ZNF804B: variants seen among roughly 807,000 people sequenced by gnomAD.
ZNF804B encodes zinc finger protein 804B, also known as zinc finger 804B.
In ZNF804B, 80 loss-of-function variants were observed where a neutral mutation model predicts 101.4. That is an observed-to-expected ratio of 0.79 (90% CI 0.66 to 0.95). The LOEUF (loss-of-function observed/expected upper bound fraction) is 0.95, where lower values mean the gene tolerates loss of function less well. Among genes scored for constraint, ZNF804B ranks in the 40% least tolerant of loss-of-function variants. The pLI is 0.00. For missense variants in ZNF804B, 1,673 were observed against 1,561.9 expected (o/e 1.07, Z -1.20); for synonymous variants, 622 against 558.8 (o/e 1.11, Z -1.59).
chr7:89,265,285 T>C (rs375142611), intron 2 of ZNF804B, among the ~76,000 whole-genome samples: 812 of 31,934 alleles, frequency 0.025, 2 homozygotes, highest in South Asian at 0.11. Context: ...TGTGTGTGTG[T>C]GTGTGTGTGC....
intron 1 of ZNF804B, among the ~76,000 whole-genome samples, chr7:89,080,321 C>T (rs1186882417): frequency 1.3e-5 from 2 of 151,460 alleles, no homozygotes; most frequent in East Asian, 1.9e-4. Context: ...ATCATTTGCT[C>T]ATTTGCCTTG....
intron 1 of ZNF804B, among the ~76,000 whole-genome samples, chr7:89,134,743 C>A (rs1451141536): frequency 6.6e-6 from 1 of 152,004 alleles, no homozygotes; most frequent in Non-Finnish European, 1.5e-5. Flanking sequence ...CTTTGTAGAA[C>A]AACTTAACTC....
chr7:89,095,034 T>A (rs1465772096), intron 1 of ZNF804B, among the ~76,000 whole-genome samples: 2 of 152,110 alleles, frequency 1.3e-5, no homozygotes, highest in Non-Finnish European at 2.9e-5. Context: ...TGATACAATG[T>A]TTTTGCTATG....
chr7:88,979,212 A>G (rs1218685183), intron 1 of ZNF804B, among the ~76,000 whole-genome samples: 3 of 151,982 alleles, frequency 2.0e-5, no homozygotes, highest in Non-Finnish European at 4.4e-5. Flanking sequence ...TAATTTATAC[A>G]CCACAAATAC....
intron 1 of ZNF804B, among the ~76,000 whole-genome samples, chr7:89,193,174 AG>A (rs773467232): frequency 1.3e-5 from 2 of 151,974 alleles, no homozygotes; most frequent in Admixed American, 6.6e-5. Flanking sequence ...AAAGAAATAA[AG>A]GGCTTCTAAA....
intron 1 of ZNF804B, among the ~76,000 whole-genome samples, chr7:88,896,029 C>A (rs1303073444): frequency 6.6e-6 from 1 of 152,076 alleles, no homozygotes; most frequent in Non-Finnish European, 1.5e-5. Flanking sequence ...GAGTAATGGA[C>A]TGGGGGAGAG....
At chr7:88,923,770 T>C (rs975846179) in intron 1 of ZNF804B, among the ~76,000 whole-genome samples, 11 of 152,136 alleles carry the variant, frequency 7.2e-5, no homozygotes, top group African/African-American at 2.7e-4. Context: ...AACATAGAAA[T>C]ATGTATAGAC....
At chr7:89,170,075 C>T (rs1309656131) in intron 1 of ZNF804B, among the ~76,000 whole-genome samples, 2 of 152,226 alleles carry the variant, frequency 1.3e-5, no homozygotes, top group Non-Finnish European at 2.9e-5. Flanking sequence ...AGACCCCAGA[C>T]TGTGCAGATC....
chr7:89,208,372 G>A (rs1426775543), intron 1 of ZNF804B, among the ~76,000 whole-genome samples: 4 of 152,246 alleles, frequency 2.6e-5, no homozygotes, highest in East Asian at 3.9e-4. Context: ...ATGAGCCACC[G>A]CGCCTAGCCC....
chr7:88,780,503 C>T (rs1313570338), intron 1 of ZNF804B, among the ~76,000 whole-genome samples: 1 of 150,924 alleles, frequency 6.6e-6, no homozygotes, highest in Non-Finnish European at 1.5e-5. Flanking sequence ...GATCCTCCCA[C>T]CTGAGCCTCC....
At chr7:89,040,002 A>G (rs1442050732) in intron 1 of ZNF804B, among the ~76,000 whole-genome samples, 1 of 151,938 alleles carries the variant, frequency 6.6e-6, no homozygotes, top group Non-Finnish European at 1.5e-5. Context: ...ATCATCATGG[A>G]TCTGGATATT....
chr7:89,072,401 A>G (rs1039518016), intron 1 of ZNF804B, among the ~76,000 whole-genome samples: 8 of 152,138 alleles, frequency 5.3e-5, no homozygotes, highest in African/African-American at 1.7e-4. Context: ...TAACTACTCA[A>G]CAACTGCCTT....
At chr7:88,904,982 A>G (rs1025152557) in intron 1 of ZNF804B, among the ~76,000 whole-genome samples, 1 of 152,172 alleles carries the variant, frequency 6.6e-6, no homozygotes, top group Admixed American at 6.5e-5. Context: ...TTGCAGTCCT[A>G]TGTTGAATAG....
chr7:89,174,940 A>G (rs1049770898), intron 1 of ZNF804B, among the ~76,000 whole-genome samples: 1 of 151,866 alleles, frequency 6.6e-6, no homozygotes, highest in African/African-American at 2.4e-5. Context: ...TTAAATTGAA[A>G]CATTATTTTT....
At chr7:88,964,549 T>C (rs1256877474) in intron 1 of ZNF804B, among the ~76,000 whole-genome samples, 2 of 151,488 alleles carry the variant, frequency 1.3e-5, no homozygotes, top group Non-Finnish European at 3.0e-5. Context: ...GTTATTGTTT[T>C]ATGCATACAG....
chr7:88,883,869 C>T (rs956213756), intron 1 of ZNF804B, among the ~76,000 whole-genome samples: 1 of 152,010 alleles, frequency 6.6e-6, no homozygotes, highest in Non-Finnish European at 1.5e-5. Flanking sequence ...TTATATGTCA[C>T]TTATCAAACT....
intron 1 of ZNF804B, among the ~76,000 whole-genome samples, chr7:89,064,682 A>G (rs1789430305): frequency 6.6e-6 from 1 of 152,158 alleles, no homozygotes; most frequent in East Asian, 1.9e-4. Flanking sequence ...ACAGTAAGAT[A>G]TTTGACAGAA....
chr7:89,290,237 G>A (rs1790265810), intron 2 of ZNF804B, among the ~76,000 whole-genome samples: 1 of 152,110 alleles, frequency 6.6e-6, no homozygotes, highest in Non-Finnish European at 1.5e-5. Flanking sequence ...AAAAACCTTT[G>A]ATGAGACTCT....
intron 1 of ZNF804B, among the ~76,000 whole-genome samples, chr7:89,026,194 A>G (rs907673194): frequency 6.6e-6 from 1 of 152,182 alleles, no homozygotes; most frequent in Non-Finnish European, 1.5e-5. Flanking sequence ...AGGCATGAAT[A>G]TAACAAAATT....
Sources: allele counts gnomAD v4.1 joint callset (sites outside exome capture counted in the v4.1 genomes callset), GRCh38; gene constraint gnomAD v4.1.1; transcripts MANE v1.5; gene names NCBI Gene and HGNC (gene_info 2026-07-23, HGNC 2026-07-21).